The following COASY variants were observed in gnomAD, a reference collection of about 807,000 sequenced individuals.
COASY encodes the protein Coenzyme A synthase.
In COASY, 31 loss-of-function variants were observed where a neutral mutation model predicts 49.4. The ratio of observed to expected loss-of-function variants is 0.63; its 90% CI spans 0.47 to 0.85. The LOEUF is 0.85. Among genes scored for constraint, COASY ranks in the 40% least tolerant of loss-of-function variants. The pLI, the probability that COASY is intolerant of heterozygous loss-of-function variation, is 0.00. For missense variants in COASY, 730 were observed against 734.1 expected (o/e 0.99, Z 0.06); for synonymous variants, 285 against 310.9 (o/e 0.92, Z 0.88).
At chr17:42,563,408 G>C in intron 1 of COASY, 86 bp downstream of exon 1, 1 of 1,297,286 alleles carries the variant, frequency 7.7e-7, no homozygotes, top group Non-Finnish European at 1.0e-6. Context: ...GGAAGGGTAG[G>C]GCCATTCATT....
rs148132220 is a variant in COASY at position 42,562,829 on chromosome 17, G to A, written c.207G>A (p.Thr69=). 1.6e-4 allele frequency: 264 copies of A among 1,612,968 alleles called. 1 individual carries two copies. In the African/African-American group the frequency reaches 2.9e-3, roughly 18 times the overall value. The part of the protein sequence containing the change: ...QATFEVLDFI[T]HLYAGADVHR... Reference sequence around the variant, plus strand: ...CGTTTGAGGTTCTTGATTTCATCACGCACCTCTATGCTGGCGCCGACGTCC... The same window carrying A: ...CGTTTGAGGTTCTTGATTTCATCACACACCTCTATGCTGGCGCCGACGTCC... Residue 69 remains threonine, a synonymous_variant, in exon 1 of 9, where the codon ACG becomes ACA. Transcript: ENST00000393818.
chr17:42,565,097 TCA>T (rs771590313), intron 5 of COASY, 50 bp downstream of exon 5: 31 of 1,594,422 alleles, frequency 1.9e-5, no homozygotes, highest in Admixed American at 1.2e-4. Context: ...GACCCAGGGG[TCA>T]GGGTCCAGTG....
chr17:42,562,839 G>A lies in COASY; in HGVS notation c.217G>A (p.Ala73Thr). 1 of 1,613,206 alleles carries A rather than the reference G, an allele frequency of 6.2e-7. No homozygotes were observed. Among genetic ancestry groups the A allele is most frequent in the Non-Finnish European group, 8.5e-7 (1 of 1,179,566 alleles). The change falls in exon 1 of 9, where the codon GCT (alanine) becomes ACT (threonine). Residue 73 changes from alanine to threonine, a missense_variant. By Grantham distance (58) the Ala-to-Thr change is moderately conservative. Coordinates refer to ENST00000393818, the MANE Select transcript of COASY (RefSeq NM_025233.7). ...EVLDFITHLY[A>T]GADVHRHLDV... is the part of the protein sequence containing the mutation. ...TCTTGATTTCATCACGCACCTCTAT[G>A]CTGGCGCCGACGTCCACAGGCACTT... is the stretch of plus-strand genomic sequence containing the variant.
intron 7 of COASY, 35 bp from the exon 8 acceptor site, chr17:42,565,624 G>A: frequency 6.2e-7 from 1 of 1,613,958 alleles, no homozygotes; most frequent in Non-Finnish European, 8.5e-7. Context: ...CTGTGAGCTG[G>A]AATTCTTCCT....
intron 4 of COASY, 24 bp downstream of exon 4, chr17:42,564,922 GTGGCC>G: frequency 6.2e-7 from 1 of 1,613,918 alleles, no homozygotes; most frequent in Non-Finnish European, 8.5e-7. Flanking sequence ...AAGGCTGAAA[GTGGCC>G]TGGAGTGAGG....
chr17:42,564,178 A>G lies in COASY; in HGVS notation c.915+3A>G. 3 of 1,613,598 alleles carry G rather than the reference A, an allele frequency of 1.9e-6. No homozygotes were observed. The highest frequency in any genetic ancestry group is 1.7e-6 in the Non-Finnish European group (2 of 1,179,750). Reference sequence around the variant, plus strand: ...TCAACCGCTTCCGCCTTGAGAATGTAACCCCTGAGGGAGACTGGCAGAGGG... The same window carrying G: ...TCAACCGCTTCCGCCTTGAGAATGTGACCCCTGAGGGAGACTGGCAGAGGG... On this transcript the variant is annotated splice_donor_region_variant and intron_variant, in intron 2 of 8. Coordinates refer to ENST00000393818, the MANE Select transcript of COASY (RefSeq NM_025233.7).
intron 5 of COASY, 89 bp downstream of exon 5, chr17:42,565,136 C>T: frequency 6.3e-7 from 1 of 1,586,732 alleles, no homozygotes; most frequent in Admixed American, 1.7e-5. Flanking sequence ...CCCAGAATGC[C>T]ATTTCCATTG....
At chr17:42,565,830 T>A in intron 8 of COASY, 25 bp downstream of exon 8, 1 of 1,613,894 alleles carries the variant, frequency 6.2e-7, no homozygotes, top group African/African-American at 1.3e-5. Context: ...CAAGGCCGGG[T>A]TGTGGGGAAG....
chr17:42,564,234 A>C (rs2092991053), intron 2 of COASY, 59 bp downstream of exon 2: 37 of 1,546,642 alleles, frequency 2.4e-5, no homozygotes, highest in Non-Finnish European at 3.3e-5. Context: ...GGCCATTTTG[A>C]GGGGGCTGTT....
intron 3 of COASY, 35 bp from the exon 4 acceptor site, chr17:42,564,674 C>T: frequency 6.5e-7 from 1 of 1,529,254 alleles, no homozygotes; most frequent in South Asian, 1.3e-5. Flanking sequence ...GCTGAGGGCC[C>T]CAGTAACTGT....
Position 42,562,247 on chromosome 17 carries a change from G to T in COASY, c.-376G>T, listed in dbSNP as rs756607674. On this transcript the variant is annotated 5_prime_UTR_variant, in exon 1 of 9. Transcript: ENST00000393818. ...GAGTAGGGGGCCGACGTGAGCTTTAGCGTCCCCCTTTAGCCTCCCTCTTCG... is the reference window on the plus strand; with the variant it reads ...GAGTAGGGGGCCGACGTGAGCTTTATCGTCCCCCTTTAGCCTCCCTCTTCG... 15 of 596,882 alleles carry T rather than the reference G, an allele frequency of 2.5e-5. No individual in the cohort carries two copies. The highest frequency in any genetic ancestry group is 6.3e-5 in the Admixed American group (2 of 31,866). 37.0% of individuals were successfully genotyped at this position (596,882 alleles called of 1,614,324 possible).
Position 42,562,564 on chromosome 17 carries a change from C to T in COASY, c.-59C>T, listed in dbSNP as rs2092980564. 7 of 1,572,002 alleles carry T rather than the reference C, an allele frequency of 4.5e-6. No homozygotes were observed. The highest frequency in any genetic ancestry group is 4.3e-6 in the Non-Finnish European group (5 of 1,161,024). Reference sequence around the variant, plus strand: ...GGTCCCATACAGGCCTCTGCCTCGGCCGCAGGCCCTTCAGTCACCGTCGCC... The same window carrying T: ...GGTCCCATACAGGCCTCTGCCTCGGTCGCAGGCCCTTCAGTCACCGTCGCC... On this transcript the variant is annotated 5_prime_UTR_variant, in exon 1 of 9. Coordinates refer to ENST00000393818, the MANE Select transcript of COASY (RefSeq NM_025233.7).
chr17:42,563,712 C>G, intron 1 of COASY: 1 of 547,650 alleles, frequency 1.8e-6, no homozygotes, highest in Non-Finnish European at 3.2e-6. Context: ...CCCTCTGGCA[C>G]TGCTCGTTCT....
chr17:42,562,356 T>C lies in COASY; in HGVS notation c.-267T>C. Reference sequence around the variant, plus strand: ...CCCTGTGACAAGGGTTCCTGTCCAGTTTCCCCCTCCCAGGATTTCGACTCA... The same window carrying C: ...CCCTGTGACAAGGGTTCCTGTCCAGCTTCCCCCTCCCAGGATTTCGACTCA... On this transcript the variant is annotated 5_prime_UTR_variant, in exon 1 of 9. Transcript: ENST00000393818. 1 of 1,530,358 alleles carries C rather than the reference T, an allele frequency of 6.5e-7. No homozygotes were observed. Among genetic ancestry groups the C allele is most frequent in the Non-Finnish European group, 9.0e-7 (1 of 1,105,502 alleles). 94.8% of individuals were successfully genotyped at this position (1,530,358 alleles called of 1,614,324 possible).
chr17:42,562,756 T>G lies in COASY; in HGVS notation c.134T>G (p.Met45Arg), dbSNP rs745442034. 1.5e-5 allele frequency: 24 copies of G among 1,595,458 alleles called. No individual in the cohort carries two copies. The highest frequency in any genetic ancestry group is 2.7e-5 in the African/African-American group (2 of 74,506). The change falls in exon 1 of 9, where the codon ATG (methionine) becomes AGG (arginine). Residue 45 changes from methionine (M) to arginine (R), a missense_variant. Met to Arg is a moderately conservative substitution (Grantham distance 91). Coordinates refer to ENST00000393818, the MANE Select transcript of COASY (RefSeq NM_025233.7). ...HTLYVHLQPG[M>R]SLEGPAQPQS... The stretch of plus-strand genomic sequence containing the variant: ...CTCTATGTTCACCTGCAGCCGGGCA[T>G]GAGCCTGGAGGGCCCGGCTCAGCCC...
At position 42,563,962 on chromosome 17, in the gene COASY, C is replaced by A. The variant is rs200561549; in HGVS notation, c.702C>A (p.Ser234Arg). 3.1e-6 allele frequency: 5 copies of A among 1,598,900 alleles called. No homozygotes were observed. The East Asian group carries it at 9.0e-5, about 29-fold the overall frequency. ...VGVADKDLLKSKLLPELLQPY... is the reference protein window; with the variant it reads ...VGVADKDLLKRKLLPELLQPY... ...TGTTCTTCTGGGCTCCTTCCCCAGG[C>A]AAGTTGCTCCCTGAGCTGCTCCAAC... The change falls in exon 2 of 9, where the codon AGC (serine) becomes AGA (arginine). Residue 234 changes from serine (S) to arginine (R), a missense_variant and splice_region_variant. Physicochemically the swap from Ser to Arg is moderately radical, Grantham distance 110 (BLOSUM62 -1). Coordinates refer to ENST00000393818, the MANE Select transcript of COASY (RefSeq NM_025233.7).
rs777902068 is a variant in COASY at position 42,565,288 on chromosome 17, A to C, written c.1364A>C (p.Glu455Ala). 14 of 1,614,100 alleles carry C rather than the reference A, an allele frequency of 8.7e-6. No individual in the cohort carries two copies. The highest frequency in any genetic ancestry group is 1.1e-5 in the Non-Finnish European group (13 of 1,179,998). ...WPIIAKLARE[E>A]MDRAVAEGKR... ...ATTATCGCAAAGCTGGCCCGAGAGG[A>C]GATGGATCGGGCTGTGGCTGAGGGT... Residue 455 changes from glutamate to alanine, a missense_variant, in exon 6 of 9, where the codon GAG (glutamate) becomes GCG (alanine). Glu to Ala is a moderately radical substitution (Grantham distance 107). Transcript: ENST00000393818.
At chr17:42,563,771 G>T (rs2092988861) in intron 1 of COASY, 190 bp from the exon 2 acceptor site, 2 of 587,016 alleles carry the variant, frequency 3.4e-6, no homozygotes, top group South Asian at 4.3e-5. Flanking sequence ...GCCAGCCCTT[G>T]GAGTGACTAT....
Position 42,562,402 on chromosome 17 carries a change from C to G in COASY, c.-221C>G. ...ACTCAGTTCAGCGAAGTCACCGCCC[C>G]GTCTGAGAAATGAGGACACCAAGGC... On this transcript the variant is annotated 5_prime_UTR_variant, in exon 1 of 9. Coordinates refer to ENST00000393818, the MANE Select transcript of COASY (RefSeq NM_025233.7). 1 of 1,613,664 alleles carries G rather than the reference C, an allele frequency of 6.2e-7. No homozygotes were observed. Among genetic ancestry groups the G allele is most frequent in the Non-Finnish European group, 8.5e-7 (1 of 1,179,644 alleles).
Sources: gnomAD v4.1 joint callset for allele counts on GRCh38, gnomAD v4.1.1 for gene constraint, MANE v1.5 for transcripts, NCBI Gene and HGNC (gene_info 2026-07-23, HGNC 2026-07-21) for gene names.